The following TTC19 variants were observed in gnomAD, a reference collection of about 807,000 sequenced individuals.
TTC19 encodes the protein tetratricopeptide repeat protein 19, mitochondrial.
Under a neutral mutation model 49.5 loss-of-function variants are expected in TTC19, and 38 were observed. That is an observed-to-expected ratio of 0.77 (90% CI 0.59 to 1.01). TTC19 has a LOEUF of 1.01. Ranked by LOEUF, TTC19 falls within the 50% of genes least tolerant of loss-of-function variation. TTC19 has a pLI of 0.00. For synonymous variants in TTC19, 204 were observed against 185.2 expected, an observed-to-expected ratio of 1.10 and a Z score of -0.83; for missense variants, 475 against 477.7, an observed-to-expected ratio of 0.99 and a Z score of 0.05.
intron 7 of TTC19, among the ~76,000 whole-genome samples, chr17:16,008,856 A>G (rs553324642): frequency 6.6e-6 from 1 of 151,818 alleles, no homozygotes; most frequent in South Asian, 2.1e-4. Flanking sequence ...ATCTCTTCCC[A>G]CCTTACTATT....
chr17:16,003,845 T>A lies in TTC19; in HGVS notation c.477T>A (p.Phe159Leu), dbSNP rs766262704. 2 of 1,613,988 alleles carry A rather than the reference T, an allele frequency of 1.2e-6. No homozygotes were observed. Among genetic ancestry groups the A allele is most frequent in the East Asian group, 4.5e-5 (2 of 44,884 alleles). The change falls in exon 5 of 10, where the codon TTT (phenylalanine) becomes TTA (leucine). Residue 159 changes from phenylalanine (F) to leucine (L), a missense_variant. Physicochemically the swap from Phe to Leu is conservative, Grantham distance 22. Transcript: ENST00000261647. ...RGQLENAEQL[F>L]KATMSYLLGG... ...TATGCTTTTAGGCTGAACAACTTTT[T>A]AAAGCAACAATGAGTTACCTCCTTG...
chr17:16,043,197 A>G (rs1165438783), intron 2 of TTC19, among the ~76,000 whole-genome samples: 1 of 152,226 alleles, frequency 6.6e-6, no homozygotes, highest in Non-Finnish European at 1.5e-5. Flanking sequence ...GTTTTAAAGC[A>G]TTACAGTTTT....
At chr17:16,024,462 A>AT (rs71353766) in intron 7 of TTC19, 13,915 of 133,878 alleles carry the variant, frequency 0.1, 2,046 homozygotes, top group African/African-American at 0.33. Context: ...CGCCTGGCTA[A>AT]TTTTTTTTTT....
At chr17:16,042,578 T>G (rs1408394090) in intron 2 of TTC19, among the ~76,000 whole-genome samples, 1 of 152,172 alleles carries the variant, frequency 6.6e-6, no homozygotes, top group African/African-American at 2.4e-5. Flanking sequence ...GCAATCCAGG[T>G]GACTGGTACC....
chr17:16,031,681 C>T (rs950058043), downstream of TTC19: 8 of 226,666 alleles, frequency 3.5e-5, no homozygotes, highest in Middle Eastern at 1.3e-3. Flanking sequence ...CCCTAATGTA[C>T]AGATTTTATG....
chr17:16,018,550 A>G (rs1286519579), intron 7 of TTC19, among the ~76,000 whole-genome samples: 1 of 152,122 alleles, frequency 6.6e-6, no homozygotes, highest in Non-Finnish European at 1.5e-5. Flanking sequence ...TGTGTCGCCC[A>G]GGCTGGAGTG....
chr17:16,027,484 A>G lies in TTC19; in HGVS notation c.1105A>G (p.Lys369Glu). 6.2e-7 allele frequency: 1 copy of G among 1,613,624 alleles called. No homozygotes were observed. Among genetic ancestry groups the G allele is most frequent in the South Asian group, 1.1e-5 (1 of 90,634 alleles). Residue 369 changes from lysine to glutamate, a missense_variant, in exon 10 of 10, where the codon AAG becomes GAG. Transcript: ENST00000261647. ...CAGGGAAGAGTTGGCTGAGCTGTCA[A>G]AGAAAAGTAGACCTTTGACAAATTC... ...HIREELAELS[K>E]KSRPLTNSVK...
chr17:16,014,645 C>T (rs1971163352), intron 7 of TTC19, among the ~76,000 whole-genome samples: 1 of 152,190 alleles, frequency 6.6e-6, no homozygotes, highest in South Asian at 2.1e-4. Flanking sequence ...CGCATTGGAG[C>T]ATTTGGATTT....
chr17:16,011,019 G>GT (rs1273104880), intron 7 of TTC19, among the ~76,000 whole-genome samples: 3 of 152,082 alleles, frequency 2.0e-5, no homozygotes, highest in Admixed American at 2.0e-4. Context: ...AGTTAACTAG[G>GT]TTTTTTTGTG....
Position 16,001,971 on chromosome 17 carries a change from T to A in TTC19, c.369T>A (p.Leu123=), listed in dbSNP as rs777472805. 1.9e-6 allele frequency: 3 copies of A among 1,613,420 alleles called. No individual in the cohort carries two copies. The highest frequency in any genetic ancestry group is 2.5e-6 in the Non-Finnish European group (3 of 1,180,020). Residue 123 remains leucine (L), a synonymous_variant, in exon 3 of 10, where the codon CTT becomes CTA. Transcript: ENST00000261647. Reference sequence around the variant, plus strand: ...CTGAGTTAATTTTGCATGACGCTCTTCGTCTCGCCTATCAGACTGATAACA... The same window carrying A: ...CTGAGTTAATTTTGCATGACGCTCTACGTCTCGCCTATCAGACTGATAACA... ...EEAELILHDA[L]RLAYQTDNKK...
At chr17:16,015,561 TTTA>T (rs1397691067) in intron 7 of TTC19, among the ~76,000 whole-genome samples, 1 of 152,188 alleles carries the variant, frequency 6.6e-6, no homozygotes, top group Non-Finnish European at 1.5e-5. Context: ...CTTGAAAGTT[TTTA>T]TTTTCATATA....
chr17:16,032,330 G>T (rs1380127165), downstream of TTC19: 1 of 1,614,086 alleles, frequency 6.2e-7, no homozygotes, highest in Admixed American at 1.7e-5. Flanking sequence ...CTCGTACTGT[G>T]CTGAGAGCAG....
intron 3 of TTC19, among the ~76,000 whole-genome samples, chr17:16,002,469 G>A (rs985821306): frequency 2.6e-5 from 4 of 152,004 alleles, no homozygotes; most frequent in Admixed American, 6.6e-5. Context: ...GAGCCACCAC[G>A]CCCGGCCACA....
rs762239880 is a variant in TTC19, at chr17:16,025,064, G to A, written c.724G>A (p.Ala242Thr). ...THLLLGMCLD[A>T]CARYLLFSKQ... Reference sequence around the variant, plus strand: ...CCTCCTCTTGGGCATGTGCTTAGACGCCTGTGCTCGCTACCTTCTGTTCTC... The same window carrying A: ...CCTCCTCTTGGGCATGTGCTTAGACACCTGTGCTCGCTACCTTCTGTTCTC... The change falls in exon 8 of 10, where the codon GCC (alanine) becomes ACC (threonine). Residue 242 changes from alanine to threonine, a missense_variant. Transcript: ENST00000261647. 16 of 1,613,836 alleles carry A rather than the reference G, an allele frequency of 9.9e-6. No individual in the cohort carries two copies. Among genetic ancestry groups the A allele is most frequent in the Middle Eastern group, 1.6e-4 (1 of 6,078 alleles).
intron 2 of TTC19, among the ~76,000 whole-genome samples, chr17:16,036,999 A>G (rs1161591695): frequency 1.3e-5 from 2 of 152,218 alleles, no homozygotes; most frequent in African/African-American, 4.8e-5. Flanking sequence ...AAGCTTAATC[A>G]TTTCTAACTT....
At chr17:16,032,388 CT>C (rs1295598404), downstream of TTC19, 1 of 1,614,006 alleles carries the variant, frequency 6.2e-7, no homozygotes, top group Non-Finnish European at 8.5e-7. Context: ...TGAGGAGCTG[CT>C]TGGTTCACCG....
At chr17:16,020,346 A>T (rs1050179816) in intron 7 of TTC19, among the ~76,000 whole-genome samples, 1 of 151,534 alleles carries the variant, frequency 6.6e-6, no homozygotes, top group Non-Finnish European at 1.5e-5. Context: ...TCTTTTGCTT[A>T]TATTTTTGAG....
At chr17:16,012,501 T>C (rs1296173509) in intron 7 of TTC19, among the ~76,000 whole-genome samples, 2 of 151,908 alleles carry the variant, frequency 1.3e-5, no homozygotes, top group African/African-American at 4.8e-5. Flanking sequence ...TGGAAGAGGA[T>C]TGTGAGAATA....
At chr17:16,034,630 T>C (rs1029985585) in intron 2 of TTC19, 21 of 806,318 alleles carry the variant, frequency 2.6e-5, no homozygotes, top group Admixed American at 7.9e-5. Context: ...TTCGGGAAAG[T>C]GGAACATATT....
Sources: gnomAD v4.1 joint callset for allele counts (sites outside exome capture counted in the v4.1 genomes callset) on GRCh38, gnomAD v4.1.1 for gene constraint, MANE v1.5 for transcripts, NCBI Gene and HGNC (gene_info 2026-07-23, HGNC 2026-07-21) for gene names.